PPP2R2B: variants seen among roughly 807,000 people sequenced by gnomAD.
PPP2R2B encodes protein phosphatase 2 regulatory subunit Bbeta, also known as serine/threonine-protein phosphatase 2A 55 kDa regulatory subunit B beta isoform.
PPP2R2B carries 5 observed loss-of-function variants against 46.0 expected under a neutral mutation model. The observed-to-expected ratio is 0.11, with a 90% CI of 0.06 to 0.23. The LOEUF (loss-of-function observed/expected upper bound fraction) is 0.23, where lower values mean the gene tolerates loss of function less well. Among genes scored for constraint, PPP2R2B ranks in the 10% least tolerant of loss-of-function variants. PPP2R2B has a pLI of 1.00. For synonymous variants in PPP2R2B, 215 were observed against 206.7 expected, an observed-to-expected ratio of 1.04 and a Z score of -0.34; for missense variants, 367 against 575.0, an observed-to-expected ratio of 0.64 and a Z score of 3.70.
At chr5:147,002,202 C>T in intron 1 of PPP2R2B, among the ~76,000 whole-genome samples, 1 of 152,098 alleles carries the variant, frequency 6.6e-6, no homozygotes, top group East Asian at 1.9e-4. Flanking sequence ...CTTCTTTAGG[C>T]ACCTGGGCTC....
chr5:146,723,965 C>T (rs1394454064), intron 2 of PPP2R2B, among the ~76,000 whole-genome samples: 1 of 152,220 alleles, frequency 6.6e-6, no homozygotes, highest in East Asian at 1.9e-4. Context: ...GCCAACATTT[C>T]CTGAGGACTG....
At chr5:146,825,599 T>C (rs1758530062) in intron 2 of PPP2R2B, among the ~76,000 whole-genome samples, 1 of 152,210 alleles carries the variant, frequency 6.6e-6, no homozygotes, top group Admixed American at 6.5e-5. Context: ...TACTTATGGA[T>C]GGATTGAAAT....
At chr5:146,854,024 T>C (rs1186782970) in intron 2 of PPP2R2B, among the ~76,000 whole-genome samples, 1 of 152,074 alleles carries the variant, frequency 6.6e-6, no homozygotes, top group Non-Finnish European at 1.5e-5. Context: ...AACCACAGGT[T>C]CCTTAACAGT....
intron 2 of PPP2R2B, among the ~76,000 whole-genome samples, chr5:146,859,348 G>T (rs1212364485): frequency 6.6e-6 from 1 of 152,158 alleles, no homozygotes; most frequent in Non-Finnish European, 1.5e-5. Flanking sequence ...CTAATATTTA[G>T]CTGCTAATGT....
intron 2 of PPP2R2B, among the ~76,000 whole-genome samples, chr5:146,824,312 T>C (rs73793291): frequency 0.027 from 4,003 of 146,758 alleles, 51 homozygotes; most frequent in Middle Eastern, 0.045. Context: ...GGGAAGATGT[T>C]CACATTGGTA....
intron 1 of PPP2R2B, among the ~76,000 whole-genome samples, chr5:146,899,351 AT>A (rs1762749345): frequency 6.7e-6 from 1 of 149,062 alleles, no homozygotes; most frequent in Non-Finnish European, 1.5e-5. Context: ...GGAAATCATC[AT>A]TCTCAGTAAA....
intron 1 of PPP2R2B, among the ~76,000 whole-genome samples, chr5:146,890,994 T>C (rs1762476501): frequency 6.6e-6 from 1 of 152,094 alleles, no homozygotes; most frequent in Non-Finnish European, 1.5e-5. Context: ...AAGGCCTGGG[T>C]CCAAAGAAAG....
At chr5:146,721,553 GCA>G (rs1780797009) in intron 2 of PPP2R2B, among the ~76,000 whole-genome samples, 1 of 152,178 alleles carries the variant, frequency 6.6e-6, no homozygotes, top group Non-Finnish European at 1.5e-5. Flanking sequence ...CTGCTCGTTG[GCA>G]CAGTTTCAAT....
intron 2 of PPP2R2B, among the ~76,000 whole-genome samples, chr5:146,795,539 T>C (rs1056759668): frequency 2.6e-5 from 4 of 152,096 alleles, no homozygotes; most frequent in African/African-American, 9.7e-5. Flanking sequence ...GAGTGAGGTA[T>C]TGGGGAGCTG....
intron 1 of PPP2R2B, among the ~76,000 whole-genome samples, chr5:147,055,032 C>T (rs1304836564): frequency 6.6e-6 from 1 of 152,048 alleles, no homozygotes; most frequent in Non-Finnish European, 1.5e-5. Flanking sequence ...CAGAGAAGGT[C>T]CCCAGAAAAA....
chr5:147,049,004 G>C (rs2151901347), intron 1 of PPP2R2B, among the ~76,000 whole-genome samples: 1 of 152,076 alleles, frequency 6.6e-6, no homozygotes, highest in Non-Finnish European at 1.5e-5. Flanking sequence ...GTAAAAATAA[G>C]GGCTGTGAAG....
intron 1 of PPP2R2B, among the ~76,000 whole-genome samples, chr5:147,034,321 T>A (rs1351135138): frequency 6.6e-6 from 1 of 152,188 alleles, no homozygotes; most frequent in Non-Finnish European, 1.5e-5. Context: ...TTCTTCACAT[T>A]TTTTATAGCT....
At chr5:146,880,884 G>C (rs1413302822), upstream of PPP2R2B, among the ~76,000 whole-genome samples, 1 of 152,172 alleles carries the variant, frequency 6.6e-6, no homozygotes, top group African/African-American at 2.4e-5. Context: ...GGTCTCCATT[G>C]TTTAAGTAGA....
At chr5:146,888,921 C>G (rs1280754285) in intron 1 of PPP2R2B, among the ~76,000 whole-genome samples, 1 of 152,208 alleles carries the variant, frequency 6.6e-6, no homozygotes, top group African/African-American at 2.4e-5. Flanking sequence ...AATAAATTAG[C>G]ACCTCCATCT....
intron 7 of PPP2R2B, among the ~76,000 whole-genome samples, chr5:146,635,268 T>C (rs1450463529): frequency 6.6e-6 from 1 of 151,874 alleles, no homozygotes; most frequent in Non-Finnish European, 1.5e-5. Flanking sequence ...TAAATCACTC[T>C]AGTTTTTTTT....
intron 2 of PPP2R2B, among the ~76,000 whole-genome samples, chr5:147,075,719 C>T (rs183001629): frequency 2.6e-5 from 4 of 152,206 alleles, no homozygotes; most frequent in East Asian, 1.9e-4. Context: ...TATCTTAATT[C>T]CTTAGTTTAC....
intron 1 of PPP2R2B, among the ~76,000 whole-genome samples, chr5:147,001,762 G>A (rs1315430213): frequency 1.3e-5 from 2 of 152,182 alleles, no homozygotes; most frequent in East Asian, 3.8e-4. Context: ...CCAGTTAAAA[G>A]CAACTAGTGT....
intron 1 of PPP2R2B, among the ~76,000 whole-genome samples, chr5:146,982,965 T>C (rs1753242340): frequency 6.6e-6 from 1 of 152,106 alleles, no homozygotes; most frequent in South Asian, 2.1e-4. Flanking sequence ...TTAGCTTACG[T>C]TTTCTCAATT....
At chr5:146,598,525 T>C (rs1022361619) in intron 8 of PPP2R2B, among the ~76,000 whole-genome samples, 1 of 152,216 alleles carries the variant, frequency 6.6e-6, no homozygotes, top group African/African-American at 2.4e-5. Flanking sequence ...CACATTGAAG[T>C]GTCTACCTGC....
Sources: allele counts gnomAD v4.1 joint callset (sites outside exome capture counted in the v4.1 genomes callset), GRCh38; gene constraint gnomAD v4.1.1; transcripts MANE v1.5; gene names NCBI Gene and HGNC (gene_info 2026-07-23, HGNC 2026-07-21).